Variants in COL4A2 observed in about 807,000 individuals in gnomAD.
COL4A2 encodes the protein collagen type IV alpha 2 chain, also known as collagen alpha-2(IV) chain.
Under a neutral mutation model 200.2 loss-of-function variants are expected in COL4A2, and 99 were observed. The ratio of observed to expected loss-of-function variants is 0.49; its 90% CI spans 0.42 to 0.58. The LOEUF is 0.58. COL4A2 is among the 20% of genes least tolerant of loss of function. COL4A2 has a pLI of 0.00. For synonymous variants in COL4A2, 897 were observed against 900.6 expected, an observed-to-expected ratio of 1.00 and a Z score of 0.07; for missense variants, 1,950 against 2,314.1, an observed-to-expected ratio of 0.84 and a Z score of 3.23.
chr13:110,350,494 G>A (rs936588144), intron 3 of COL4A2, among the ~76,000 whole-genome samples: 4 of 152,186 alleles, frequency 2.6e-5, no homozygotes, highest in Non-Finnish European at 2.9e-5. Flanking sequence ...GGTCACAGAG[G>A]TCAAAGCAAG....
intron 4 of COL4A2, among the ~76,000 whole-genome samples, chr13:110,366,645 G>A (rs953839476): frequency 2.6e-5 from 4 of 152,060 alleles, no homozygotes; most frequent in African/African-American, 9.7e-5. Context: ...GCATGCAGTG[G>A]GTACCCCAGG....
Position 110,444,164 on chromosome 13 carries a change from A to G in COL4A2, c.958-1665A>G, listed in dbSNP as rs189576303. Among the ~76,000 whole-genome samples, 25 of 152,356 alleles carry G rather than the reference A, an allele frequency of 1.6e-4. No individual in the cohort carries two copies. In the East Asian group the frequency reaches 4.4e-3, roughly 27 times the overall value. Reference sequence around the variant, plus strand: ...CCCCAATGGGTTTTCTATAATGCCCAGTGCATTTCAGATGGTTCAAAGTGC... The same window carrying G: ...CCCCAATGGGTTTTCTATAATGCCCGGTGCATTTCAGATGGTTCAAAGTGC... On this transcript the variant is annotated intron_variant, in intron 16 of 47. Coordinates refer to ENST00000360467, the MANE Select transcript of COL4A2 (RefSeq NM_001846.4).
At chr13:110,382,739 C>T (rs116188737) in intron 4 of COL4A2, among the ~76,000 whole-genome samples, 94 of 152,272 alleles carry the variant, frequency 6.2e-4, no homozygotes, top group African/African-American at 2.0e-3. Flanking sequence ...CTTTAAGGAA[C>T]GCTAGCTATC....
In COL4A2 at chr13:110,472,940, C is replaced by A; in HGVS notation, c.2215C>A (p.Pro739Thr). 1.9e-6 allele frequency: 3 copies of A among 1,556,060 alleles called. No homozygotes were observed. Among genetic ancestry groups the A allele is most frequent in the Non-Finnish European group, 2.6e-6 (3 of 1,149,620 alleles). Residue 739 changes from proline (P) to threonine (T), a missense_variant, in exon 29 of 48, where the codon CCC becomes ACC. Physicochemically the swap from Pro to Thr is conservative, Grantham distance 38. Coordinates refer to ENST00000360467, the MANE Select transcript of COL4A2 (RefSeq NM_001846.4). ...GFPGPPGFIG[P>T]RGSKGAVGLP... is the part of the protein sequence containing the mutation. Reference sequence around the variant, plus strand: ...ATGTTTCCTTTTAGGGTTCATAGGACCCCGAGGATCCAAAGGTGCAGTGGG... The same window carrying A: ...ATGTTTCCTTTTAGGGTTCATAGGAACCCGAGGATCCAAAGGTGCAGTGGG...
At chr13:110,389,416 G>T (rs1003590159) in intron 4 of COL4A2, among the ~76,000 whole-genome samples, 1 of 152,184 alleles carries the variant, frequency 6.6e-6, no homozygotes, top group Non-Finnish European at 1.5e-5. Flanking sequence ...GTGCGTGTGC[G>T]AGAATCCACC....
chr13:110,471,988 C>CA (rs1338807836), intron 28 of COL4A2, among the ~76,000 whole-genome samples: 10 of 152,060 alleles, frequency 6.6e-5, no homozygotes, highest in Admixed American at 6.6e-4. Flanking sequence ...GAGGCCATGT[C>CA]AGGGCTGACT....
At chr13:110,464,419 G>A (rs372426949) in intron 24 of COL4A2, among the ~76,000 whole-genome samples, 43 of 152,230 alleles carry the variant, frequency 2.8e-4, no homozygotes, top group African/African-American at 8.9e-4. Context: ...TAGAAAACTC[G>A]TGATCCTGCC....
intron 16 of COL4A2, among the ~76,000 whole-genome samples, chr13:110,440,074 G>C (rs778139871): frequency 1.3e-5 from 2 of 151,946 alleles, no homozygotes; most frequent in African/African-American, 2.4e-5. Flanking sequence ...TCCGTCACTC[G>C]ACCCCACCAG....
At chr13:110,378,311 G>A (rs1000756302) in intron 4 of COL4A2, among the ~76,000 whole-genome samples, 6 of 152,206 alleles carry the variant, frequency 3.9e-5, no homozygotes, top group African/African-American at 1.4e-4. Context: ...ACAGACAAGG[G>A]AGGACAAAAG....
chr13:110,311,298 T>A (rs572207791), intron 3 of COL4A2, among the ~76,000 whole-genome samples: 8 of 152,272 alleles, frequency 5.3e-5, no homozygotes, highest in African/African-American at 1.9e-4. Flanking sequence ...CAGGACACAC[T>A]CCCTGCTGTC....
rs1884123773 is a variant in COL4A2, at chr13:110,512,500, C to G, written c.*309C>G. On this transcript the variant is annotated 3_prime_UTR_variant, in exon 48 of 48. Coordinates refer to ENST00000360467, the MANE Select transcript of COL4A2 (RefSeq NM_001846.4). ...CACACCCATGTAACCACTGCACTTTCCAATGCCACAGACAACTCACATTGT... is the reference window on the plus strand; with the variant it reads ...CACACCCATGTAACCACTGCACTTTGCAATGCCACAGACAACTCACATTGT... 1 of 383,320 alleles carries G rather than the reference C, an allele frequency of 2.6e-6. No individual in the cohort carries two copies. Among genetic ancestry groups the G allele is most frequent in the Non-Finnish European group, 4.7e-6 (1 of 213,088 alleles). The allele number at this position is 383,320 out of a possible 1,614,324, so 23.7% of individuals were successfully genotyped here.
chr13:110,393,428 G>A (rs1594188768), intron 4 of COL4A2, among the ~76,000 whole-genome samples: 2 of 152,276 alleles, frequency 1.3e-5, no homozygotes, highest in East Asian at 3.9e-4. Context: ...CCAGTATAAT[G>A]TAAGGCTATA....
intron 11 of COL4A2, among the ~76,000 whole-genome samples, chr13:110,433,949 C>T (rs923470831): frequency 6.6e-6 from 1 of 152,022 alleles, no homozygotes; most frequent in Admixed American, 6.5e-5. Context: ...TTTAAATTTC[C>T]AAAGATTATT....
At chr13:110,346,830 C>G (rs1241149322) in intron 3 of COL4A2, among the ~76,000 whole-genome samples, 1 of 152,196 alleles carries the variant, frequency 6.6e-6, no homozygotes, top group African/African-American at 2.4e-5. Flanking sequence ...TAAAACCACC[C>G]AACAAATGAG....
At chr13:110,447,916 T>C (rs866067305) in intron 18 of COL4A2, among the ~76,000 whole-genome samples, 1 of 152,322 alleles carries the variant, frequency 6.6e-6, no homozygotes, top group African/African-American at 2.4e-5. Context: ...CCTCTGTCAG[T>C]TTAATAATGG....
chr13:110,407,871 A>T (rs554421969), intron 4 of COL4A2, among the ~76,000 whole-genome samples: 1 of 152,208 alleles, frequency 6.6e-6, no homozygotes, highest in Non-Finnish European at 1.5e-5. Context: ...GTTAAGGAGC[A>T]GAGAAGGAAA....
chr13:110,353,733 C>G (rs9301448), intron 3 of COL4A2, among the ~76,000 whole-genome samples: 55,454 of 152,184 alleles, frequency 0.36, 13,863 homozygotes, highest in African/African-American at 0.72. Context: ...ATTCCTAAGA[C>G]TCTCTCTGGA....
At chr13:110,478,794 G>A (rs572446833) in intron 30 of COL4A2, among the ~76,000 whole-genome samples, 2 of 142,008 alleles carry the variant, frequency 1.4e-5, no homozygotes, top group African/African-American at 5.0e-5. Context: ...CAGAAAAACA[G>A]CTTTTTAAGG....
At chr13:110,321,172 G>A (rs1885265569) in intron 3 of COL4A2, among the ~76,000 whole-genome samples, 1 of 129,300 alleles carries the variant, frequency 7.7e-6, no homozygotes, top group African/African-American at 3.4e-5. Flanking sequence ...TATTTATATA[G>A]TGTGCATGTG....
Sources: gnomAD v4.1 joint callset for allele counts (sites outside exome capture counted in the v4.1 genomes callset) on GRCh38, gnomAD v4.1.1 for gene constraint, MANE v1.5 for transcripts, NCBI Gene and HGNC (gene_info 2026-07-23, HGNC 2026-07-21) for gene names.